The following HERC6 variants were observed in gnomAD, a reference collection of about 807,000 sequenced individuals.
HERC6 encodes the protein probable E3 ubiquitin-protein ligase HERC6.
Under a neutral mutation model 114.5 loss-of-function variants are expected in HERC6, and 101 were observed. That is an observed-to-expected ratio of 0.88 (90% CI 0.75 to 1.04). HERC6 has a LOEUF of 1.04. Among genes scored for constraint, HERC6 ranks in the 50% least tolerant of loss-of-function variants. The probability of loss-of-function intolerance (pLI) is 0.00; values close to 1 mark genes in which losing one functional copy is unlikely to be tolerated. For synonymous variants in HERC6, 408 were observed against 436.2 expected (o/e 0.94, Z 0.81); for missense variants, 1,133 against 1,230.9 (o/e 0.92, Z 1.19).
intron 2 of HERC6, 50 bp from the exon 3 acceptor site, chr4:88,385,449 C>A: frequency 1.2e-6 from 1 of 859,658 alleles, no homozygotes; most frequent in Non-Finnish European, 1.8e-6. Flanking sequence ...GTCCACCGGA[C>A]AACTCGCTCT....
intron 19 of HERC6, 82 bp downstream of exon 19, chr4:88,437,053 G>T: frequency 9.4e-7 from 1 of 1,060,134 alleles, no homozygotes; most frequent in South Asian, 1.7e-5. Context: ...TCTTAAATTT[G>T]GGATCCCTTT....
Position 88,436,928 on chromosome 4 carries a change from A to C in HERC6, c.2441A>C (p.Asp814Ala), listed in dbSNP as rs77703113. The change falls in exon 19 of 23, where the codon GAT becomes GCT. Residue 814 changes from aspartate (D) to alanine (A), a missense_variant. Physicochemically the swap from Asp to Ala is moderately radical, Grantham distance 126. Coordinates refer to ENST00000264346, the MANE Select transcript of HERC6 (RefSeq NM_017912.4). ...LGKSLQEVLD[D>A]AADDIGDALC... The stretch of plus-strand genomic sequence containing the variant: ...AGGAGTTTGCAAGAAGTTCTAGATG[A>C]TGCTGCTGATGACATTGGAGATGCG... The C allele has an allele frequency of 3.0e-3, 4,884 of 1,606,574 alleles. 15 individuals are homozygous for C. Among genetic ancestry groups the C allele is most frequent in the South Asian group, 5.1e-3 (453 of 89,218 alleles).
At chr4:88,389,469 G>A (rs1447193872) in intron 3 of HERC6, among the ~76,000 whole-genome samples, 2 of 152,194 alleles carry the variant, frequency 1.3e-5, no homozygotes, top group African/African-American at 4.8e-5. Context: ...TAAGGTGGTA[G>A]CAGTGGAGAG....
chr4:88,420,639 T>C (rs1283666109), intron 13 of HERC6, among the ~76,000 whole-genome samples: 1 of 152,186 alleles, frequency 6.6e-6, no homozygotes, highest in Non-Finnish European at 1.5e-5. Context: ...TATTGAGATA[T>C]AATTCTCTCA....
intron 2 of HERC6, among the ~76,000 whole-genome samples, chr4:88,384,091 T>C (rs990906732): frequency 4.6e-5 from 7 of 152,160 alleles, no homozygotes; most frequent in African/African-American, 2.4e-5. Context: ...CAGTTCCCAG[T>C]AACTTCCTTG....
At position 88,380,147 on chromosome 4, in the gene HERC6, AATATATATAATATATAAAT is replaced by A. The variant is rs1560528662; in HGVS notation, c.199+1061_199+1079del. Among the ~76,000 whole-genome samples, 13 of 23,150 alleles carry A rather than the reference AATATATATAATATATAAAT, an allele frequency of 5.6e-4. 1 individual carries two copies. The highest frequency in any genetic ancestry group is 3.4e-3 in the South Asian group (3 of 878). 15.2% of individuals were successfully genotyped at this position (23,150 alleles called of 152,430 possible). On this transcript the variant is annotated intron_variant, in intron 1 of 22. Transcript: ENST00000264346. ...AATATATAAATATATATAATATATAAATATATATAATATATAAATATATATATAATATATAAATATATAT... is the reference window on the plus strand; with the variant it reads ...AATATATAAATATATATAATATATAAATATATATAATATATAAATATATAT...
At position 88,396,732 on chromosome 4, in the gene HERC6, C is replaced by T. The variant is rs931687783; in HGVS notation, c.888-119C>T. On this transcript the variant is annotated intron_variant, in intron 6 of 22. Transcript: ENST00000264346. ...CACTGACATTGTGATAAGGGAGCTG[C>T]GTACTTAGTAAAAGTAAATTGGGCT... is the stretch of plus-strand genomic sequence containing the variant. The T allele has an allele frequency of 6.1e-5, 52 of 850,430 alleles. 1 individual carries two copies. The highest frequency in any genetic ancestry group is 8.1e-5 in the Non-Finnish European group (47 of 583,250). 52.7% of individuals were successfully genotyped at this position (850,430 alleles called of 1,614,324 possible). A position where few individuals can be genotyped will look rare whatever the true frequency, so the allele number is the denominator to read the frequency against.
At chr4:88,425,752 T>C (rs1023779695) in intron 15 of HERC6, among the ~76,000 whole-genome samples, 7 of 152,130 alleles carry the variant, frequency 4.6e-5, no homozygotes, top group African/African-American at 1.7e-4. Flanking sequence ...GTTAAGTATA[T>C]ATAATGCCAT....
intron 19 of HERC6, among the ~76,000 whole-genome samples, chr4:88,437,428 C>G (rs1240977303): frequency 6.6e-6 from 1 of 152,026 alleles, no homozygotes; most frequent in East Asian, 1.9e-4. Flanking sequence ...CTTCTCATGT[C>G]TATATACTCT....
intron 13 of HERC6, among the ~76,000 whole-genome samples, chr4:88,419,402 A>C (rs1023505329): frequency 3.3e-5 from 5 of 152,220 alleles, no homozygotes; most frequent in African/African-American, 9.6e-5. Context: ...TGGACTCTTG[A>C]CTAGATCTAA....
At chr4:88,440,271 TG>T in intron 22 of HERC6, 21 bp downstream of exon 22, 2 of 1,224,866 alleles carry the variant, frequency 1.6e-6, no homozygotes, top group Non-Finnish European at 1.2e-6. Flanking sequence ...TGGTACTAGA[TG>T]GACACATAAT....
intron 11 of HERC6, among the ~76,000 whole-genome samples, chr4:88,410,231 T>C (rs903501229): frequency 6.6e-6 from 1 of 152,116 alleles, no homozygotes; most frequent in Non-Finnish European, 1.5e-5. Context: ...TCCACATATA[T>C]AAGATGAACA....
intron 8 of HERC6, among the ~76,000 whole-genome samples, chr4:88,403,254 G>A (rs1735639211): frequency 6.6e-6 from 1 of 152,162 alleles, no homozygotes; most frequent in Non-Finnish European, 1.5e-5. Flanking sequence ...CTGACCCACT[G>A]AAGCAGAAAC....
chr4:88,436,657 T>C (rs1738780694), intron 18 of HERC6, among the ~76,000 whole-genome samples: 1 of 152,190 alleles, frequency 6.6e-6, no homozygotes, highest in Admixed American at 6.5e-5. Flanking sequence ...AATCACTGTC[T>C]AGAGGAAACA....
intron 15 of HERC6, 117 bp downstream of exon 15, chr4:88,424,819 A>C: frequency 1.5e-6 from 1 of 647,030 alleles, no homozygotes; most frequent in South Asian, 2.1e-5. Flanking sequence ...CCACACTTTT[A>C]TCTATCACTT....
rs763803812 is a variant in HERC6 at position 88,413,183 on chromosome 4, A to G, written c.1475A>G (p.His492Arg). 6.2e-7 allele frequency: 1 copy of G among 1,613,580 alleles called. No individual in the cohort carries two copies. The highest frequency in any genetic ancestry group is 1.1e-5 in the South Asian group (1 of 91,054). Reference sequence around the variant, plus strand: ...CTGCTCCCAGAATGTCCTGTGATGCATGATTCTAAGAACTGGAAGAACCTG... The same window carrying G: ...CTGCTCCCAGAATGTCCTGTGATGCGTGATTCTAAGAACTGGAAGAACCTG... ...FLLLPECPVM[H>R]DSKNWKNLVV... Residue 492 changes from histidine to arginine, a missense_variant, in exon 12 of 23, where the codon CAT becomes CGT. Coordinates refer to ENST00000264346, the MANE Select transcript of HERC6 (RefSeq NM_017912.4).
At chr4:88,432,191 C>T (rs544539125) in intron 17 of HERC6, among the ~76,000 whole-genome samples, 41 of 152,094 alleles carry the variant, frequency 2.7e-4, no homozygotes, top group Admixed American at 6.5e-4. Context: ...TTGAAATTAC[C>T]TTCAGGCTAT....
At chr4:88,434,547 T>C (rs1738549272) in intron 17 of HERC6, among the ~76,000 whole-genome samples, 2 of 151,780 alleles carry the variant, frequency 1.3e-5, no homozygotes, top group Non-Finnish European at 2.9e-5. Context: ...GGAGAGGAGA[T>C]GGGATGAAAT....
intron 6 of HERC6, 47 bp from the exon 7 acceptor site, chr4:88,396,804 G>C (rs762941424): frequency 7.0e-7 from 1 of 1,437,992 alleles, no homozygotes. Flanking sequence ...TTTCTCAAAA[G>C]CCATGAGTGC....
Sources: allele counts gnomAD v4.1 joint callset (sites outside exome capture counted in the v4.1 genomes callset), GRCh38; gene constraint gnomAD v4.1.1; transcripts MANE v1.5; gene names NCBI Gene and HGNC (gene_info 2026-07-23, HGNC 2026-07-21).